The following DIAPH2 variants were observed in gnomAD, a reference collection of about 807,000 sequenced individuals.
The protein encoded by DIAPH2 is diaphanous related formin 2.
A neutral mutation model predicts 92.7 loss-of-function variants in DIAPH2; 35 were observed. The ratio of observed to expected loss-of-function variants is 0.38; its 90% confidence interval spans 0.29 to 0.50. The LOEUF (loss-of-function observed/expected upper bound fraction) is 0.50. DIAPH2 is among the 20% of genes least tolerant of loss of function. The pLI is 0.94. For missense variants in DIAPH2, 701 were observed against 819.5 expected (o/e 0.86, Z 1.77); for synonymous variants, 301 against 280.4 (o/e 1.07, Z -0.73).
chrX:97,047,666 A>G (rs1353967606), intron 17 of DIAPH2, among the ~76,000 whole-genome samples: 2 of 103,624 alleles, frequency 1.9e-5, no homozygotes, highest in Middle Eastern at 4.8e-3. Context: ...ACAAGGCTCA[A>G]TAGGAGTCCT....
At chrX:97,318,482 C>CTTTTT (rs745350367) in intron 23 of DIAPH2, among the ~76,000 whole-genome samples, 1 of 46,326 alleles carries the variant, frequency 2.2e-5, no homozygotes, top group Non-Finnish European at 4.0e-5. Context: ...TTTTTCTTTA[C>CTTTTT]TTTTTTTTTT....
At chrX:97,130,241 A>G in intron 21 of DIAPH2, among the ~76,000 whole-genome samples, 1 of 112,236 alleles carries the variant, frequency 8.9e-6, no homozygotes, top group East Asian at 2.8e-4. Flanking sequence ...ATGATCCAGC[A>G]ATTCCACTTC....
intron 3 of DIAPH2, among the ~76,000 whole-genome samples, chrX:96,752,099 C>T (rs970884702): frequency 2.7e-5 from 3 of 111,819 alleles, no homozygotes; most frequent in African/African-American, 6.5e-5. Context: ...TATTCAATTA[C>T]GCTGTTTAGA....
At chrX:97,004,642 T>A (rs1363017073) in intron 17 of DIAPH2, among the ~76,000 whole-genome samples, 2 of 112,033 alleles carry the variant, frequency 1.8e-5, no homozygotes, top group Non-Finnish European at 3.8e-5. Context: ...CTGATTTTTG[T>A]CTGTTGATTT....
At chrX:97,250,672 G>C (rs1326010906) in intron 23 of DIAPH2, among the ~76,000 whole-genome samples, 3 of 111,860 alleles carry the variant, frequency 2.7e-5, no homozygotes, top group Non-Finnish European at 3.8e-5. Context: ...ACCTAGCACA[G>C]TGTAGGCACT....
intron 21 of DIAPH2, among the ~76,000 whole-genome samples, chrX:97,129,782 C>G (rs976010563): frequency 3.6e-5 from 4 of 110,578 alleles, no homozygotes; most frequent in Non-Finnish European, 7.6e-5. Context: ...CAAGAATGAT[C>G]ACATAATCAA....
At chrX:97,526,148 G>A (rs965028824) in intron 26 of DIAPH2, among the ~76,000 whole-genome samples, 5 of 110,897 alleles carry the variant, frequency 4.5e-5, no homozygotes, top group Admixed American at 2.9e-4. Flanking sequence ...AGTATCAGTG[G>A]AGTCTTGTCA....
In DIAPH2 at chrX:96,949,923, G is replaced by C. The variant is rs35072158; in HGVS notation, c.1614+884G>C. On this transcript the variant is annotated intron_variant, in intron 15 of 26. Coordinates refer to ENST00000324765, the MANE Select transcript of DIAPH2 (RefSeq NM_006729.5). ...GTCTTAACATAGTGGGTGCTCAGTA[G>C]ATATTTGTTGATTGACTAGGTCTGT... 9.2e-5 allele frequency among the ~76,000 whole-genome samples: 10 copies of C among 109,236 alleles called. No individual in the cohort carries two copies. The South Asian group carries it at 3.6e-3, about 39-fold the overall frequency. 94.9% of individuals were successfully genotyped at this position (109,236 alleles called of 115,157 possible).
At chrX:97,233,186 AAAAGAACTTCAGATACCAGGTTCACCT>A (rs1237218882) in intron 22 of DIAPH2, among the ~76,000 whole-genome samples, 5 of 112,308 alleles carry the variant, frequency 4.5e-5, no homozygotes, top group Non-Finnish European at 9.4e-5. Flanking sequence ...TTCAGGGCCT[AAAAGAACTTCAGATACCAGGTTCACCT>A]TGTACTTCCC....
At chrX:97,144,222 G>C (rs998665057) in intron 22 of DIAPH2, among the ~76,000 whole-genome samples, 5 of 111,037 alleles carry the variant, frequency 4.5e-5, no homozygotes, top group African/African-American at 1.6e-4. Context: ...CATGCTACTT[G>C]CAGGGGCTGA....
chrX:96,847,290 A>G (rs988646828), intron 4 of DIAPH2, among the ~76,000 whole-genome samples: 9 of 112,292 alleles, frequency 8.0e-5, no homozygotes, highest in Admixed American at 7.6e-4. Context: ...TGATAACCCA[A>G]GATGCCTCGA....
rs1024063450 is a variant in DIAPH2 at position 97,159,795 on chromosome X, TAAAAC to T, written c.2719+18003_2719+18007del. ...GATTACTTAGTAAAAACGGAAAAAT[TAAAAC>T]AGAGTAAAGAATAAAATAAATTACC... On this transcript the variant is annotated intron_variant, in intron 22 of 26. Transcript: ENST00000324765. 8.9e-5 allele frequency among the ~76,000 whole-genome samples: 10 copies of T among 111,954 alleles called. No individual in the cohort carries two copies. In the East Asian group the frequency reaches 2.8e-3, roughly 31 times the overall value.
At chrX:97,479,255 TACA>T (rs746613581) in intron 26 of DIAPH2, among the ~76,000 whole-genome samples, 39 of 111,222 alleles carry the variant, frequency 3.5e-4, no homozygotes, top group African/African-American at 1.2e-3. Flanking sequence ...ATCAGAGAAT[TACA>T]ACAAGTAGAG....
At chrX:97,349,150 G>A (rs1050701515) in intron 24 of DIAPH2, among the ~76,000 whole-genome samples, 7 of 104,450 alleles carry the variant, frequency 6.7e-5, no homozygotes, top group South Asian at 8.8e-4. Context: ...GTGCAATGGC[G>A]TGATCTCGGC....
At chrX:97,258,505 G>A (rs1239416078) in intron 23 of DIAPH2, among the ~76,000 whole-genome samples, 2 of 109,660 alleles carry the variant, frequency 1.8e-5, no homozygotes, top group Non-Finnish European at 3.8e-5. Context: ...CCCAGGAGGT[G>A]GAGGTTGCAG....
At chrX:96,826,480 G>A (rs1265000096) in intron 4 of DIAPH2, among the ~76,000 whole-genome samples, 3 of 110,648 alleles carry the variant, frequency 2.7e-5, no homozygotes, top group African/African-American at 9.9e-5. Context: ...ATTATATAAA[G>A]CAAATAATAA....
intron 4 of DIAPH2, among the ~76,000 whole-genome samples, chrX:96,768,589 G>A (rs1414055372): frequency 8.9e-6 from 1 of 111,950 alleles, no homozygotes; most frequent in Non-Finnish European, 1.9e-5. Context: ...AGAGTGATCA[G>A]GGTGTGGTAT....
intron 3 of DIAPH2, among the ~76,000 whole-genome samples, chrX:96,754,607 C>T (rs959082809): frequency 1.8e-5 from 2 of 110,722 alleles, no homozygotes; most frequent in Non-Finnish European, 3.8e-5. Flanking sequence ...TGTCTGAGGA[C>T]GTAGGGAGTA....
intron 23 of DIAPH2, among the ~76,000 whole-genome samples, chrX:97,307,584 G>A (rs1220111025): frequency 9.0e-6 from 1 of 111,166 alleles, no homozygotes; most frequent in Non-Finnish European, 1.9e-5. Flanking sequence ...TAACATTAGT[G>A]GTACAAATTT....
Sources: gnomAD v4.1 joint callset for allele counts (sites outside exome capture counted in the v4.1 genomes callset) on GRCh38, gnomAD v4.1.1 for gene constraint, MANE v1.5 for transcripts, NCBI Gene and HGNC (gene_info 2026-07-23, HGNC 2026-07-21) for gene names.